DNAH12: variants seen among roughly 807,000 people sequenced by gnomAD.
The protein encoded by DNAH12 is axonemal beta dynein heavy chain 12.
A neutral mutation model predicts 371.5 loss-of-function variants in DNAH12; 285 were observed. That is an observed-to-expected ratio of 0.77 (90% CI 0.70 to 0.85). The LOEUF is 0.85. Ranked by LOEUF, DNAH12 falls within the 40% of genes least tolerant of loss-of-function variation. DNAH12 has a pLI of 0.00. For missense variants in DNAH12, 3,611 were observed against 3,689.4 expected, an observed-to-expected ratio of 0.98 and a Z score of 0.55; for synonymous variants, 1,200 against 1,213.0, an observed-to-expected ratio of 0.99 and a Z score of 0.22.
chr3:57,365,787 T>G (rs1339152770), intron 57 of DNAH12, among the ~76,000 whole-genome samples: 1 of 151,950 alleles, frequency 6.6e-6, no homozygotes, highest in Non-Finnish European at 1.5e-5. Context: ...TCACCTATTC[T>G]GGATATAGTT....
At position 57,323,091 on chromosome 3, in the gene DNAH12, C is replaced by T. The variant is rs1258231373; in HGVS notation, c.10299G>A (p.Met3433Ile). 1.3e-6 allele frequency: 2 copies of T among 1,552,400 alleles called. No homozygotes were observed. The highest frequency in any genetic ancestry group is 1.2e-5 in the South Asian group (1 of 84,066). ...NCHLAVSWMP[M>I]LEKICEDFTS... ...TAAAATCTTCACATATTTTTTCCAA[C>T]ATGGGCATCCAGGACACTGCAAGAT... Residue 3433 changes from methionine (M) to isoleucine (I), a missense_variant, in exon 64 of 74, where the codon ATG becomes ATA. Around this residue, in one of 3 missense-constraint regions of DNAH12, gnomAD observed 2,266 missense variants for 2,236.9 expected, o/e 1.01. Coordinates refer to ENST00000495027, the MANE Select transcript of DNAH12 (RefSeq NM_001366028.2).
intron 12 of DNAH12, 45 bp from the exon 13 acceptor site, chr3:57,483,556 A>G: frequency 6.7e-7 from 1 of 1,492,786 alleles, no homozygotes; most frequent in Non-Finnish European, 9.0e-7. Context: ...AATTAATGTT[A>G]TATCATATTC....
chr3:57,523,514 T>C, intron 4 of DNAH12, 69 bp downstream of exon 4: 1 of 1,337,412 alleles, frequency 7.5e-7, no homozygotes, highest in East Asian at 2.4e-5. Flanking sequence ...CAGGTGGTCT[T>C]AGATGAAACT....
chr3:57,361,280 T>C (rs2062921731), intron 58 of DNAH12, among the ~76,000 whole-genome samples: 1 of 150,798 alleles, frequency 6.6e-6, no homozygotes, highest in African/African-American at 2.5e-5. Flanking sequence ...AACCCGGAGG[T>C]GGATGTTGGA....
chr3:57,380,897 A>T (rs2063376190), intron 50 of DNAH12, among the ~76,000 whole-genome samples: 5 of 152,244 alleles, frequency 3.3e-5, no homozygotes, highest in Non-Finnish European at 7.3e-5. Flanking sequence ...AAAAGTAAAC[A>T]CTGAAAGGAA....
chr3:57,381,250 T>A (rs1484854127), intron 50 of DNAH12, among the ~76,000 whole-genome samples: 2 of 151,734 alleles, frequency 1.3e-5, no homozygotes, highest in Admixed American at 6.6e-5. Flanking sequence ...TGTGTGTGTG[T>A]GTGTGTGTGT....
chr3:57,337,966 T>C (rs999621837), intron 60 of DNAH12, among the ~76,000 whole-genome samples: 3 of 152,224 alleles, frequency 2.0e-5, no homozygotes, highest in African/African-American at 7.2e-5. Context: ...ATTGGCCATA[T>C]GTTAGGACAC....
chr3:57,452,729 G>C (rs1479922301), intron 25 of DNAH12, 114 bp downstream of exon 25: 1 of 1,002,936 alleles, frequency 1.0e-6, no homozygotes, highest in African/African-American at 1.7e-5. Context: ...AGAGAATTCA[G>C]GATTAGAAAG....
chr3:57,505,025 C>A (rs2153391941), intron 8 of DNAH12, among the ~76,000 whole-genome samples: 1 of 152,058 alleles, frequency 6.6e-6, no homozygotes, highest in East Asian at 1.9e-4. Context: ...GTAGCTGGAA[C>A]TACATTCACA....
Position 57,530,538 on chromosome 3 carries a change from AT to A in DNAH12, c.171-6655del, listed in dbSNP as rs1365962719. ...TTTCCTTTCATCATATTTCTTCTAA[AT>A]TTTTTTAGATTGTTTTTTGTTTAAA... On this transcript the variant is annotated intron_variant, in intron 2 of 73. Coordinates refer to ENST00000495027, the MANE Select transcript of DNAH12 (RefSeq NM_001366028.2). The A allele has an allele frequency of 5.3e-5, 37 of 701,862 alleles. No homozygotes were observed. The East Asian group carries it at 7.9e-4, about 15-fold the overall frequency. The allele number at this position is 701,862 out of a possible 1,614,324, so 43.5% of individuals were successfully genotyped here.
intron 2 of DNAH12, 60 bp downstream of exon 2, chr3:57,542,641 T>C: frequency 6.6e-7 from 1 of 1,512,162 alleles, no homozygotes; most frequent in Non-Finnish European, 8.8e-7. Context: ...TAGGAGAATA[T>C]GAACACTAAT....
chr3:57,476,957 G>A (rs567028089), intron 13 of DNAH12, among the ~76,000 whole-genome samples: 162 of 152,288 alleles, frequency 1.1e-3, no homozygotes, highest in African/African-American at 1.4e-3. Flanking sequence ...AGCCAAGATG[G>A]CCAAATGGGA....
At chr3:57,328,911 C>A (rs1235208393) in intron 62 of DNAH12, among the ~76,000 whole-genome samples, 1 of 131,920 alleles carries the variant, frequency 7.6e-6, no homozygotes, top group Non-Finnish European at 1.6e-5. Flanking sequence ...TTCTTATACA[C>A]CAATAACAGA....
chr3:57,543,908 G>A (rs1271272192), intron 1 of DNAH12, among the ~76,000 whole-genome samples: 3 of 151,968 alleles, frequency 2.0e-5, no homozygotes, highest in Middle Eastern at 3.4e-3. Flanking sequence ...TTAGCCGGGC[G>A]TGGTGGCAGG....
intron 65 of DNAH12, 81 bp downstream of exon 65, chr3:57,322,262 A>T (rs1219110320): frequency 7.4e-7 from 1 of 1,345,006 alleles, no homozygotes; most frequent in Non-Finnish European, 9.8e-7. Flanking sequence ...ATGTTACAAA[A>T]GCATTATTAA....
At chr3:57,341,744 C>T (rs1553656231) in intron 60 of DNAH12, among the ~76,000 whole-genome samples, 3 of 151,054 alleles carry the variant, frequency 2.0e-5, no homozygotes, top group African/African-American at 7.3e-5. Flanking sequence ...ATGTTCTTCA[C>T]AGAAATAGAA....
chr3:57,352,639 G>A (rs1305576159), intron 59 of DNAH12, among the ~76,000 whole-genome samples: 2 of 151,450 alleles, frequency 1.3e-5, no homozygotes, highest in Non-Finnish European at 2.9e-5. Flanking sequence ...CAAAGTGACT[G>A]AAGACAATCA....
At chr3:57,432,148 G>A (rs910832749) in intron 32 of DNAH12, among the ~76,000 whole-genome samples, 4 of 148,198 alleles carry the variant, frequency 2.7e-5, no homozygotes, top group African/African-American at 9.9e-5. Context: ...AACCACCTAT[G>A]ATAAAGTACT....
intron 52 of DNAH12, among the ~76,000 whole-genome samples, chr3:57,378,177 G>T (rs1194797238): frequency 1.3e-5 from 2 of 152,030 alleles, no homozygotes; most frequent in African/African-American, 4.8e-5. Flanking sequence ...GCTTGTATCA[G>T]AATAAAAATG....
Sources: gnomAD v4.1 joint callset for allele counts (sites outside exome capture counted in the v4.1 genomes callset) on GRCh38, gnomAD v4.1.1 for gene constraint, gnomAD v4.1.1 regional missense constraint, MANE v1.5 for transcripts, NCBI Gene and HGNC (gene_info 2026-07-23, HGNC 2026-07-21) for gene names.